Variants in RANBP2 observed in about 807,000 individuals in gnomAD.
The protein encoded by RANBP2 is RAN binding protein 2.
RANBP2 carries 57 observed loss-of-function variants against 303.6 expected under a neutral mutation model. That is an observed-to-expected ratio of 0.19 (90% CI 0.15 to 0.23). The LOEUF is 0.23. Among genes scored for constraint, RANBP2 ranks in the 10% least tolerant of loss-of-function variants. RANBP2 has a pLI of 1.00. For missense variants in RANBP2, 3,138 were observed against 3,780.8 expected (o/e 0.83, Z 4.46); for synonymous variants, 1,167 against 1,301.5 (o/e 0.90, Z 2.23).
In RANBP2 at chr2:108,766,163, A is replaced by G; in HGVS notation, c.5624A>G (p.Gln1875Arg). The G allele has an allele frequency of 6.2e-7, 1 of 1,612,766 alleles. No individual in the cohort carries two copies. Among genetic ancestry groups the G allele is most frequent in the Non-Finnish European group, 8.5e-7 (1 of 1,179,992 alleles). The change falls in exon 20 of 29, where the codon CAG becomes CGG. Residue 1875 changes from glutamine to arginine, a missense_variant. By Grantham distance (43) the Gln-to-Arg change is conservative. Around this residue, in one of 20 missense-constraint regions of RANBP2, gnomAD observed 348 missense variants for 360.4 expected, o/e 0.97. Coordinates refer to ENST00000283195, the MANE Select transcript of RANBP2 (RefSeq NM_006267.5). ...DQENSPSFMF[Q>R]GSSNTEFKST... ...GAAAATTCACCTTCATTTATGTTTC[A>G]GGGTTCTTCTAATACAGAATTTAAG...
chr2:109,680,991 G>C, the RANBP2 span, among the ~76,000 whole-genome samples: 2 of 152,158 alleles, frequency 1.3e-5, no homozygotes, highest in African/African-American at 4.8e-5. Context: ...GTCCCTGAAA[G>C]ACATGTACAA....
the RANBP2 span, chr2:108,812,899 A>G: frequency 6.2e-7 from 1 of 1,613,714 alleles, no homozygotes; most frequent in South Asian, 1.1e-5. Context: ...TTAAAACAAG[A>G]AAAAGCACCA....
At chr2:109,498,161 G>A in the RANBP2 span, among the ~76,000 whole-genome samples, 5 of 152,170 alleles carry the variant, frequency 3.3e-5, no homozygotes, top group African/African-American at 1.2e-4. Flanking sequence ...CTTCCTTCCC[G>A]CCTGCATGTC....
At chr2:108,823,838 G>A in the RANBP2 span, among the ~76,000 whole-genome samples, 6 of 152,254 alleles carry the variant, frequency 3.9e-5, no homozygotes, top group African/African-American at 7.2e-5. Context: ...TTAGTTGGGC[G>A]TGGTGGCGGG....
the RANBP2 span, among the ~76,000 whole-genome samples, chr2:109,385,459 C>T: frequency 6.6e-6 from 1 of 152,172 alleles, no homozygotes; most frequent in Non-Finnish European, 1.5e-5. Context: ...TTTGATGCTG[C>T]AATATGAATA....
chr2:109,016,181 A>T, the RANBP2 span, among the ~76,000 whole-genome samples: 1 of 151,966 alleles, frequency 6.6e-6, no homozygotes, highest in Admixed American at 6.6e-5. Flanking sequence ...TCCCGGGTTC[A>T]CGCCATTCTC....
the RANBP2 span, among the ~76,000 whole-genome samples, chr2:109,465,804 T>G: frequency 6.6e-6 from 1 of 152,182 alleles, no homozygotes; most frequent in Admixed American, 6.5e-5. Flanking sequence ...GGAGGTGCTA[T>G]ACACCTTTAA....
chr2:108,837,171 G>C, the RANBP2 span, among the ~76,000 whole-genome samples: 1 of 152,084 alleles, frequency 6.6e-6, no homozygotes, highest in African/African-American at 2.4e-5. Context: ...TAATCTGTGG[G>C]CTTTTTATAT....
chr2:109,596,423 C>T, the RANBP2 span, among the ~76,000 whole-genome samples: 1 of 151,942 alleles, frequency 6.6e-6, no homozygotes, highest in Non-Finnish European at 1.5e-5. Context: ...CAAGACCATC[C>T]TGGCTAACAC....
chr2:109,259,515 A>T, the RANBP2 span, among the ~76,000 whole-genome samples: 1 of 150,924 alleles, frequency 6.6e-6, no homozygotes, highest in African/African-American at 2.4e-5. Flanking sequence ...CAAAGTCAGG[A>T]CTCTCCGGGG....
chr2:109,471,136 C>G, the RANBP2 span, among the ~76,000 whole-genome samples: 2 of 149,108 alleles, frequency 1.3e-5, no homozygotes, highest in Non-Finnish European at 2.9e-5. Context: ...TCACTTGAAC[C>G]CAGGGGGCAG....
the RANBP2 span, among the ~76,000 whole-genome samples, chr2:109,478,157 G>A: frequency 1.3e-5 from 2 of 152,214 alleles, no homozygotes; most frequent in African/African-American, 2.4e-5. Context: ...CGCCTTTGGG[G>A]CAGGCGATTC....
the RANBP2 span, among the ~76,000 whole-genome samples, chr2:109,427,315 A>C: frequency 6.6e-6 from 1 of 152,232 alleles, no homozygotes. Context: ...TTTAGACATA[A>C]TGCTATCGCA....
the RANBP2 span, among the ~76,000 whole-genome samples, chr2:108,796,956 C>G: frequency 0.013 from 1,997 of 152,148 alleles, 44 homozygotes; most frequent in African/African-American, 0.046. Context: ...TTTAAAGTGG[C>G]TAGAGAAGAA....
intron 25 of RANBP2, among the ~76,000 whole-genome samples, 153 bp from the exon 26 acceptor site, chr2:108,781,116 C>A (rs537714989): frequency 1.2e-4 from 19 of 152,052 alleles, no homozygotes; most frequent in South Asian, 1.2e-3. Flanking sequence ...GGATTACAGG[C>A]GTGAGGAATT....
At chr2:108,933,561 G>C in the RANBP2 span, among the ~76,000 whole-genome samples, 1 of 152,166 alleles carries the variant, frequency 6.6e-6, no homozygotes, top group Non-Finnish European at 1.5e-5. Flanking sequence ...GTGGCTTTGG[G>C]GAAGGAAGAG....
At chr2:109,005,480 T>C in the RANBP2 span, among the ~76,000 whole-genome samples, 1 of 152,194 alleles carries the variant, frequency 6.6e-6, no homozygotes, top group African/African-American at 2.4e-5. Context: ...TCCTTCTGCC[T>C]GGTATGCCAT....
the RANBP2 span, among the ~76,000 whole-genome samples, chr2:109,549,719 T>G: frequency 6.6e-6 from 1 of 152,186 alleles, no homozygotes; most frequent in Non-Finnish European, 1.5e-5. Flanking sequence ...CCACAGGTAG[T>G]ACCATACCCT....
At chr2:109,510,677 G>A in the RANBP2 span, among the ~76,000 whole-genome samples, 1 of 152,218 alleles carries the variant, frequency 6.6e-6, no homozygotes, top group African/African-American at 2.4e-5. Context: ...ACAGCCACTT[G>A]TGTGTGCCAT....
Sources: allele counts gnomAD v4.1 joint callset (sites outside exome capture counted in the v4.1 genomes callset), GRCh38; gene constraint gnomAD v4.1.1; regional missense constraint gnomAD v4.1.1; transcripts MANE v1.5; gene names NCBI Gene and HGNC (gene_info 2026-07-23, HGNC 2026-07-21).